Variants in TMEM131L observed in about 807,000 individuals in gnomAD.
TMEM131L encodes transmembrane protein 131-like.
A neutral mutation model predicts 192.2 loss-of-function variants in TMEM131L; 54 were observed. That is an observed-to-expected ratio of 0.28 (90% confidence interval 0.23 to 0.35). The LOEUF (loss-of-function observed/expected upper bound fraction) is 0.35, where lower values mean the gene tolerates loss of function less well. TMEM131L is among the 10% of genes least tolerant of loss of function. The pLI is 1.00. For synonymous variants in TMEM131L, 701 were observed against 704.9 expected (o/e 0.99, Z 0.09); for missense variants, 1,888 against 1,972.9 (o/e 0.96, Z 0.82).
intron 3 of TMEM131L, among the ~76,000 whole-genome samples, chr4:153,536,354 G>A (rs1261752294): frequency 6.6e-6 from 1 of 152,220 alleles, no homozygotes; most frequent in Non-Finnish European, 1.5e-5. Flanking sequence ...AATTTAAAAG[G>A]AAAACTCTTC....
chr4:153,467,113 T>G, intron 1 of TMEM131L, 98 bp from the exon 2 acceptor site: 1 of 1,173,350 alleles, frequency 8.5e-7, no homozygotes, highest in South Asian at 1.3e-5. Context: ...AGAGACGTGT[T>G]TTGGTGAGGC....
At chr4:153,506,361 C>T (rs1026994942) in intron 3 of TMEM131L, among the ~76,000 whole-genome samples, 1 of 152,178 alleles carries the variant, frequency 6.6e-6, no homozygotes, top group African/African-American at 2.4e-5. Context: ...AATGGAGCAG[C>T]ATTTTGAAAA....
chr4:153,498,576 G>A (rs550021173), intron 3 of TMEM131L, among the ~76,000 whole-genome samples: 1 of 152,190 alleles, frequency 6.6e-6, no homozygotes, highest in Non-Finnish European at 1.5e-5. Context: ...GAAGTGGGGG[G>A]TGAGCAGAGT....
intron 7 of TMEM131L, among the ~76,000 whole-genome samples, chr4:153,566,506 TGTGTGA>T (rs886522089): frequency 6.7e-5 from 9 of 134,496 alleles, no homozygotes; most frequent in East Asian, 2.1e-4. Flanking sequence ...TTTGTCTTTG[TGTGTGA>T]GTGTGAGTGT....
intron 3 of TMEM131L, among the ~76,000 whole-genome samples, chr4:153,475,081 C>A (rs539656209): frequency 6.6e-6 from 1 of 152,318 alleles, no homozygotes; most frequent in South Asian, 2.1e-4. Flanking sequence ...CTCCACGTTA[C>A]AAAAGAAAGC....
At chr4:153,510,385 A>G (rs997960209) in intron 3 of TMEM131L, among the ~76,000 whole-genome samples, 8 of 152,180 alleles carry the variant, frequency 5.3e-5, no homozygotes, top group African/African-American at 9.7e-5. Context: ...GAAAATGCCT[A>G]TGGCCCAGGT....
chr4:153,602,584 A>G lies in TMEM131L; in HGVS notation c.2496A>G (p.Leu832=). ...DFTSSWVIRD[L]SLVTAADLEF... ...CCTCCTCCTGGGTAATTCGGGACCTAAGTCTTGTAACCGCAGCGGACCTAG... is the reference window on the plus strand; with the variant it reads ...CCTCCTCCTGGGTAATTCGGGACCTGAGTCTTGTAACCGCAGCGGACCTAG... Residue 832 remains leucine (L), a synonymous_variant, in exon 23 of 35, where the codon CTA becomes CTG. Coordinates refer to ENST00000409959, the MANE Select transcript of TMEM131L (RefSeq NM_001131007.2). 3.1e-6 allele frequency: 5 copies of G among 1,614,110 alleles called. No homozygotes were observed. The highest frequency in any genetic ancestry group is 4.2e-6 in the Non-Finnish European group (5 of 1,180,004).
chr4:153,486,714 C>T (rs1023286651), intron 3 of TMEM131L, among the ~76,000 whole-genome samples: 2 of 152,240 alleles, frequency 1.3e-5, no homozygotes, highest in African/African-American at 2.4e-5. Flanking sequence ...AAGTACTCCC[C>T]AGCAGACTTC....
At chr4:153,583,153 A>T in intron 9 of TMEM131L, 37 bp from the exon 10 acceptor site, 1 of 1,028,140 alleles carries the variant, frequency 9.7e-7, no homozygotes, top group Non-Finnish European at 1.5e-6. Flanking sequence ...ATCTCTGATT[A>T]AATACTCTGC....
intron 7 of TMEM131L, among the ~76,000 whole-genome samples, chr4:153,565,853 G>A (rs1729152226): frequency 6.6e-6 from 1 of 152,158 alleles, no homozygotes; most frequent in Non-Finnish European, 1.5e-5. Context: ...AATATATGGC[G>A]AGGTTTATGT....
At chr4:153,535,499 A>T (rs1736249327) in intron 3 of TMEM131L, among the ~76,000 whole-genome samples, 1 of 152,104 alleles carries the variant, frequency 6.6e-6, no homozygotes, top group Non-Finnish European at 1.5e-5. Context: ...CTGCATTCAG[A>T]AGGGTGGTAG....
chr4:153,621,892 T>G, intron 28 of TMEM131L, 43 bp downstream of exon 28: 1 of 1,594,258 alleles, frequency 6.3e-7, no homozygotes, highest in Non-Finnish European at 8.6e-7. Flanking sequence ...TCTGTGGGAA[T>G]TTTTGTTTCC....
chr4:153,613,726 T>C (rs1485642893), intron 26 of TMEM131L, among the ~76,000 whole-genome samples: 3 of 152,206 alleles, frequency 2.0e-5, no homozygotes, highest in Non-Finnish European at 4.4e-5. Flanking sequence ...TTCATGTGTG[T>C]AGGCTCATAG....
At chr4:153,479,286 C>A (rs769511848) in intron 3 of TMEM131L, among the ~76,000 whole-genome samples, 2 of 152,120 alleles carry the variant, frequency 1.3e-5, no homozygotes, top group Non-Finnish European at 2.9e-5. Flanking sequence ...TGTATTTGGT[C>A]GAAAGCCAAA....
At chr4:153,521,306 A>T (rs1263218394) in intron 3 of TMEM131L, among the ~76,000 whole-genome samples, 6 of 152,184 alleles carry the variant, frequency 3.9e-5, no homozygotes, top group Non-Finnish European at 8.8e-5. Context: ...TCCAGGGAAA[A>T]GTCTGGGCCG....
chr4:153,477,155 G>C (rs560628948), intron 3 of TMEM131L, among the ~76,000 whole-genome samples: 1 of 152,106 alleles, frequency 6.6e-6, no homozygotes, highest in African/African-American at 2.4e-5. Flanking sequence ...AAATCATGGA[G>C]AGAGAGCATC....
chr4:153,581,632 C>A, intron 9 of TMEM131L, 72 bp downstream of exon 9: 1 of 1,038,122 alleles, frequency 9.6e-7, no homozygotes, highest in Admixed American at 3.0e-5. Flanking sequence ...CATTTATGAA[C>A]AGATTGTATC....
intron 17 of TMEM131L, 94 bp from the exon 18 acceptor site, chr4:153,592,381 T>G: frequency 1.3e-6 from 1 of 776,702 alleles, no homozygotes; most frequent in East Asian, 2.5e-5. Flanking sequence ...TACATGATAT[T>G]TCCTCATGAT....
intron 7 of TMEM131L, among the ~76,000 whole-genome samples, chr4:153,572,855 A>G (rs1578773298): frequency 6.6e-6 from 1 of 151,958 alleles, no homozygotes; most frequent in Admixed American, 6.6e-5. Flanking sequence ...CCCATTAAAC[A>G]CCTTCCCTCA....
Sources: gnomAD v4.1 joint callset for allele counts (sites outside exome capture counted in the v4.1 genomes callset) on GRCh38, gnomAD v4.1.1 for gene constraint, MANE v1.5 for transcripts, NCBI Gene and HGNC (gene_info 2026-07-23, HGNC 2026-07-21) for gene names.